Variants in PRKCE observed in about 807,000 individuals in gnomAD.
The protein encoded by PRKCE is protein kinase C epsilon.
A neutral mutation model predicts 85.4 loss-of-function variants in PRKCE; 16 were observed. That is an observed-to-expected ratio of 0.19 (90% CI 0.13 to 0.28). The LOEUF (loss-of-function observed/expected upper bound fraction) is 0.28, where lower values mean the gene tolerates loss of function less well. Among genes scored for constraint, PRKCE ranks in the 10% least tolerant of loss-of-function variants. PRKCE has a pLI of 1.00. For missense variants in PRKCE, 573 were observed against 975.2 expected (o/e 0.59, Z 5.49); for synonymous variants, 388 against 371.5 (o/e 1.04, Z -0.51).
At chr2:45,668,093 C>G (rs959087979) in intron 1 of PRKCE, among the ~76,000 whole-genome samples, 1 of 152,156 alleles carries the variant, frequency 6.6e-6, no homozygotes. Context: ...GGAATCCCAG[C>G]ACTTTGAGAG....
chr2:45,733,016 A>G (rs1681723086), intron 1 of PRKCE, among the ~76,000 whole-genome samples: 1 of 152,248 alleles, frequency 6.6e-6, no homozygotes, highest in African/African-American at 2.4e-5. Flanking sequence ...TGGCTCTACC[A>G]TTGTAGTGCA....
chr2:45,671,415 G>GTT (rs1676154472), intron 1 of PRKCE, among the ~76,000 whole-genome samples: 2 of 152,222 alleles, frequency 1.3e-5, no homozygotes, highest in South Asian at 4.1e-4. Flanking sequence ...CTAGGTACAG[G>GTT]AGGCCTAGGG....
rs115042257 is a variant in PRKCE, at chr2:45,943,049, A to G, written c.413-33380A>G. Among the ~76,000 whole-genome samples, 361 of 152,314 alleles carry G rather than the reference A, an allele frequency of 2.4e-3. 4 individuals carry two copies. Among genetic ancestry groups the G allele is most frequent in the African/African-American group, 8.2e-3 (342 of 41,576 alleles). On this transcript the variant is annotated intron_variant, in intron 2 of 14. Transcript: ENST00000306156. ...CCCATTTATTTCACATAATATTTCT[A>G]CTTTTATGGCATTTTGTAAATTGAT...
intron 1 of PRKCE, among the ~76,000 whole-genome samples, chr2:45,696,647 C>T (rs777876616): frequency 6.6e-6 from 1 of 152,188 alleles, no homozygotes; most frequent in African/African-American, 2.4e-5. Context: ...TGACGAGTAG[C>T]TTTGGAGTCT....
chr2:45,939,995 C>G (rs1158873962), intron 2 of PRKCE, among the ~76,000 whole-genome samples: 1 of 152,224 alleles, frequency 6.6e-6, no homozygotes, highest in Non-Finnish European at 1.5e-5. Context: ...TATGAACATT[C>G]TCCCCTGCTT....
intron 3 of PRKCE, 32 bp downstream of exon 3, chr2:45,976,620 A>G: frequency 1.3e-6 from 2 of 1,592,626 alleles, no homozygotes; most frequent in Non-Finnish European, 1.7e-6. Context: ...CTCTAATTAC[A>G]ACATCTCTGT....
intron 2 of PRKCE, among the ~76,000 whole-genome samples, chr2:45,921,911 T>C (rs1698277363): frequency 6.6e-6 from 1 of 152,200 alleles, no homozygotes; most frequent in African/African-American, 2.4e-5. Context: ...GTTTTTGATA[T>C]TTGGTTTAGT....
intron 11 of PRKCE, among the ~76,000 whole-genome samples, chr2:46,134,707 G>A (rs1674785268): frequency 6.6e-6 from 1 of 152,224 alleles, no homozygotes; most frequent in Non-Finnish European, 1.5e-5. Flanking sequence ...GGACAGTAAT[G>A]CTCAGAAAAG....
intron 6 of PRKCE, among the ~76,000 whole-genome samples, chr2:45,993,090 G>A (rs1378436773): frequency 6.6e-6 from 1 of 152,158 alleles, no homozygotes; most frequent in African/African-American, 2.4e-5. Flanking sequence ...GCCTAGGGCT[G>A]GGAGTGGATT....
chr2:45,987,841 C>T (rs1703461767), intron 6 of PRKCE, among the ~76,000 whole-genome samples: 1 of 152,236 alleles, frequency 6.6e-6, no homozygotes, highest in Admixed American at 6.5e-5. Context: ...CTCCTTAAGG[C>T]TTCTTGGCCC....
chr2:46,059,416 G>A (rs577640803), intron 10 of PRKCE, among the ~76,000 whole-genome samples: 9 of 152,254 alleles, frequency 5.9e-5, no homozygotes, highest in Non-Finnish European at 1.0e-4. Flanking sequence ...CAGCCCATAA[G>A]TCATTACATT....
chr2:45,733,862 G>T (rs550499328), intron 1 of PRKCE, among the ~76,000 whole-genome samples: 70 of 152,282 alleles, frequency 4.6e-4, no homozygotes, highest in African/African-American at 1.6e-3. Context: ...GGGCCTGCTG[G>T]CCCCTGCCTT....
In PRKCE at chr2:45,652,007, G is replaced by C; in HGVS notation, c.-94G>C. 1 of 1,000,600 alleles carries C rather than the reference G, an allele frequency of 1.0e-6. No individual in the cohort carries two copies. The highest frequency in any genetic ancestry group is 2.4e-5 in the East Asian group (1 of 41,372). 62.0% of individuals were successfully genotyped at this position (1,000,600 alleles called of 1,614,324 possible). A position where few individuals can be genotyped will look rare whatever the true frequency, so the allele number is the denominator to read the frequency against. The stretch of plus-strand genomic sequence containing the variant: ...CGGGGTGGGGCGAAAGGGGACCCAA[G>C]AGTCCCTGTGGCTCGGAGTGCCGGG... On this transcript the variant is annotated 5_prime_UTR_variant, in exon 1 of 15. Transcript: ENST00000306156. This position sits in a 1 kb window ranked among gnomAD's most constrained non-coding sequence, Gnocchi z 7.7.
intron 1 of PRKCE, among the ~76,000 whole-genome samples, chr2:45,804,488 C>T (rs187620034): frequency 2.3e-4 from 35 of 152,226 alleles, no homozygotes; most frequent in African/African-American, 7.9e-4. Context: ...TCAGGAAAGG[C>T]TTGTTTTGGT....
intron 2 of PRKCE, among the ~76,000 whole-genome samples, chr2:45,843,770 A>G (rs903382051): frequency 6.6e-5 from 10 of 152,242 alleles, no homozygotes; most frequent in Non-Finnish European, 1.2e-4. Context: ...CTTAAGCTCT[A>G]AGAAAGATTT....
In PRKCE at chr2:45,774,050, C is replaced by G. The variant is rs774594658; in HGVS notation, c.349-68950C>G. Among the ~76,000 whole-genome samples, 4 of 152,196 alleles carry G rather than the reference C, an allele frequency of 2.6e-5. No individual in the cohort carries two copies. The highest frequency in any genetic ancestry group is 4.4e-5 in the Non-Finnish European group (3 of 68,026). ...GAAATTTCCTTCTAGACCCCAGAGT[C>G]CTCCCCTCCCCCGCTGCTGCTGTTC... On this transcript the variant is annotated intron_variant, in intron 1 of 14. Transcript: ENST00000306156. This position sits in a 1 kb window ranked among gnomAD's most constrained non-coding sequence, Gnocchi z 4.3.
rs1704994888 is a variant in PRKCE at position 46,004,466 on chromosome 2, T to C, written c.967-76T>C. On this transcript the variant is annotated intron_variant, in intron 7 of 14. Coordinates refer to ENST00000306156, the MANE Select transcript of PRKCE (RefSeq NM_005400.3). This position sits in a 1 kb window ranked among gnomAD's most constrained non-coding sequence, Gnocchi z 4.1. ...GAACTCTCATGGCTCTTATACGGCA[T>C]CTTGATGCTTTTGACATCAGAAAAC... 6 of 1,203,154 alleles carry C rather than the reference T, an allele frequency of 5.0e-6. No individual in the cohort carries two copies. The South Asian group carries it at 7.8e-5, about 16-fold the overall frequency. 74.5% of individuals were successfully genotyped at this position (1,203,154 alleles called of 1,614,324 possible). A position where few individuals can be genotyped will look rare whatever the true frequency, so the allele number is the denominator to read the frequency against.
At chr2:46,124,167 A>G (rs1673620546) in intron 11 of PRKCE, among the ~76,000 whole-genome samples, 1 of 152,166 alleles carries the variant, frequency 6.6e-6, no homozygotes, top group Non-Finnish European at 1.5e-5. Flanking sequence ...TCTACTAAAA[A>G]TACAAGAATT....
intron 1 of PRKCE, among the ~76,000 whole-genome samples, chr2:45,744,421 CT>C (rs1159377055): frequency 6.8e-5 from 1 of 14,642 alleles, no homozygotes; most frequent in East Asian, 8.1e-3. Flanking sequence ...TCTTTTCTTT[CT>C]TTCTTTCTTT....
Sources: allele counts gnomAD v4.1 joint callset (sites outside exome capture counted in the v4.1 genomes callset), GRCh38; gene constraint gnomAD v4.1.1; non-coding constraint Gnocchi (gnomAD v3.1); transcripts MANE v1.5; gene names NCBI Gene and HGNC (gene_info 2026-07-23, HGNC 2026-07-21).